The following CUBN variants were observed in gnomAD, a reference collection of about 807,000 sequenced individuals.
CUBN encodes the protein 460 kDa receptor.
Under a neutral mutation model 405.3 loss-of-function variants are expected in CUBN, and 282 were observed. That is an observed-to-expected ratio of 0.70 (90% CI 0.63 to 0.77). The LOEUF (loss-of-function observed/expected upper bound fraction) is 0.77. CUBN is among the 30% of genes least tolerant of loss of function. CUBN has a pLI of 0.00. For synonymous variants in CUBN, 1,684 were observed against 1,617.0 expected (o/e 1.04, Z -0.99); for missense variants, 4,514 against 4,475.2 (o/e 1.01, Z -0.25).
intron 4 of CUBN, among the ~76,000 whole-genome samples, chr10:17,123,997 C>A (rs186266889): frequency 6.6e-6 from 1 of 152,258 alleles, no homozygotes; most frequent in East Asian, 1.9e-4. Flanking sequence ...AGAAAGAGAC[C>A]TCAGTGGACA....
chr10:16,923,471 G>A (rs1459400931), intron 43 of CUBN, among the ~76,000 whole-genome samples: 2 of 152,110 alleles, frequency 1.3e-5, no homozygotes, highest in Non-Finnish European at 2.9e-5. Context: ...AGATAGACGT[G>A]GGAAGTAGAA....
chr10:17,062,854 C>T (rs1049609050), intron 22 of CUBN, among the ~76,000 whole-genome samples: 13 of 152,218 alleles, frequency 8.5e-5, no homozygotes, highest in African/African-American at 3.1e-4. Context: ...GAAATAACTT[C>T]TGTTAGAACA....
At chr10:16,923,269 T>C (rs1237907835) in intron 43 of CUBN, among the ~76,000 whole-genome samples, 1 of 152,118 alleles carries the variant, frequency 6.6e-6, no homozygotes, top group Non-Finnish European at 1.5e-5. Flanking sequence ...AACAGGCCTA[T>C]TAATCAGGTG....
chr10:16,974,736 C>T (rs922705157), intron 31 of CUBN, among the ~76,000 whole-genome samples: 6 of 152,166 alleles, frequency 3.9e-5, no homozygotes, highest in African/African-American at 1.2e-4. Flanking sequence ...GATTTTCTTC[C>T]GTCTCTGCCA....
chr10:17,099,296 TAG>T (rs1836443913), intron 14 of CUBN, among the ~76,000 whole-genome samples: 1 of 152,066 alleles, frequency 6.6e-6, no homozygotes, highest in African/African-American at 2.4e-5. Flanking sequence ...TAAAAGAAAA[TAG>T]AATAATTAAA....
chr10:16,989,849 T>A (rs1476780065), intron 29 of CUBN, among the ~76,000 whole-genome samples: 1 of 152,208 alleles, frequency 6.6e-6, no homozygotes, highest in African/African-American at 2.4e-5. Flanking sequence ...CTGTGCTTGT[T>A]GGCAGTGCCC....
intron 54 of CUBN, among the ~76,000 whole-genome samples, chr10:16,894,301 A>G (rs1455208354): frequency 6.6e-6 from 1 of 152,116 alleles, no homozygotes; most frequent in Admixed American, 6.5e-5. Context: ...CCAGGTCCTG[A>G]AGACATCTGC....
Position 16,888,404 on chromosome 10 carries a change from A to G in CUBN, c.8905+13T>C. On this transcript the variant is annotated intron_variant, in intron 56 of 66. Coordinates refer to ENST00000377833, the MANE Select transcript of CUBN (RefSeq NM_001081.4). ...GTCAATTAAACGTAATTTTTTTAAA[A>G]GAATAAACTTACCTTCTAAGTGGAA... 6.2e-7 allele frequency: 1 copy of G among 1,607,872 alleles called. No individual in the cohort carries two copies. Among genetic ancestry groups the G allele is most frequent in the Non-Finnish European group, 8.5e-7 (1 of 1,174,682 alleles).
At chr10:17,009,628 T>G (rs557509690) in intron 28 of CUBN, among the ~76,000 whole-genome samples, 1 of 152,156 alleles carries the variant, frequency 6.6e-6, no homozygotes, top group Non-Finnish European at 1.5e-5. Flanking sequence ...ACTGTACGGA[T>G]GAATCACTTA....
intron 32 of CUBN, among the ~76,000 whole-genome samples, chr10:16,952,852 G>A (rs530347586): frequency 1.3e-5 from 2 of 152,184 alleles, no homozygotes; most frequent in Non-Finnish European, 2.9e-5. Context: ...GGCGGTCACC[G>A]CTGGAGGGCG....
chr10:16,982,934 C>A (rs929715951), intron 30 of CUBN, among the ~76,000 whole-genome samples: 3 of 151,952 alleles, frequency 2.0e-5, no homozygotes, highest in South Asian at 4.2e-4. Context: ...CACGTTTTCA[C>A]AAAGCCATGG....
chr10:17,012,272 T>C (rs938584021), intron 28 of CUBN, among the ~76,000 whole-genome samples: 3 of 152,202 alleles, frequency 2.0e-5, no homozygotes, highest in African/African-American at 4.8e-5. Flanking sequence ...AGAAGCCATA[T>C]TGCCCAACTC....
intron 31 of CUBN, among the ~76,000 whole-genome samples, chr10:16,955,620 G>A (rs1034848998): frequency 1.3e-5 from 2 of 152,024 alleles, no homozygotes; most frequent in African/African-American, 4.8e-5. Flanking sequence ...AAATCAGGGG[G>A]GAAATGAGTT....
intron 22 of CUBN, among the ~76,000 whole-genome samples, chr10:17,052,688 A>C (rs926643232): frequency 3.7e-5 from 5 of 136,578 alleles, no homozygotes; most frequent in Non-Finnish European, 6.2e-5. Flanking sequence ...GAAACCCGGA[A>C]GGTGGAGGTT....
At chr10:16,967,914 A>C (rs1843446157) in intron 31 of CUBN, among the ~76,000 whole-genome samples, 1 of 149,972 alleles carries the variant, frequency 6.7e-6, no homozygotes, top group Non-Finnish European at 1.5e-5. Flanking sequence ...AGAGGGGGAA[A>C]GAGGAAGAGA....
chr10:16,950,677 C>A (rs182297695), intron 33 of CUBN, among the ~76,000 whole-genome samples: 3 of 152,084 alleles, frequency 2.0e-5, no homozygotes, highest in Non-Finnish European at 2.9e-5. Flanking sequence ...TGAAGAGTAA[C>A]GGAATAGATG....
intron 59 of CUBN, among the ~76,000 whole-genome samples, chr10:16,868,601 C>T (rs1447446314): frequency 6.6e-6 from 1 of 152,138 alleles, no homozygotes; most frequent in African/African-American, 2.4e-5. Flanking sequence ...AATAGCCAAA[C>T]AGGTAATTGA....
At chr10:16,898,934 A>G in intron 54 of CUBN, 62 bp downstream of exon 54, 2 of 1,212,130 alleles carry the variant, frequency 1.6e-6, no homozygotes, top group Non-Finnish European at 2.5e-6. Flanking sequence ...AATCATTTCT[A>G]GCTTAAACAC....
At chr10:16,849,947 G>A (rs951990691) in intron 60 of CUBN, among the ~76,000 whole-genome samples, 14 of 152,062 alleles carry the variant, frequency 9.2e-5, no homozygotes, top group African/African-American at 2.7e-4. Flanking sequence ...TTGTAATCTC[G>A]GTATTTCTCT....
Sources: gnomAD v4.1 joint callset for allele counts (sites outside exome capture counted in the v4.1 genomes callset) on GRCh38, gnomAD v4.1.1 for gene constraint, MANE v1.5 for transcripts, NCBI Gene and HGNC (gene_info 2026-07-23, HGNC 2026-07-21) for gene names.